The following ZNF704 variants were observed in gnomAD, a reference collection of about 807,000 sequenced individuals.
The protein encoded by ZNF704 is glucocorticoid induced gene 1.
ZNF704 carries 10 observed loss-of-function variants against 44.7 expected under a neutral mutation model. That is an observed-to-expected ratio of 0.22 (90% confidence interval 0.14 to 0.38). The LOEUF (loss-of-function observed/expected upper bound fraction) is 0.38, where lower values mean the gene tolerates loss of function less well. ZNF704 is among the 10% of genes least tolerant of loss of function. The probability of loss-of-function intolerance (pLI) is 1.00; values close to 1 mark genes in which losing one functional copy is unlikely to be tolerated. For synonymous variants in ZNF704, 211 were observed against 207.6 expected (o/e 1.02, Z -0.14); for missense variants, 390 against 545.5 (o/e 0.71, Z 2.84).
At chr8:80,664,491 G>A (rs926221605) in intron 6 of ZNF704, among the ~76,000 whole-genome samples, 3 of 151,366 alleles carry the variant, frequency 2.0e-5, no homozygotes, top group Non-Finnish European at 4.4e-5. Flanking sequence ...GGCTGGTCTC[G>A]AACTCCCGAC....
chr8:80,729,442 T>C (rs754917360), intron 2 of ZNF704, among the ~76,000 whole-genome samples: 1 of 152,166 alleles, frequency 6.6e-6, no homozygotes. Context: ...CTGAACCTAC[T>C]GCCTGGCGTG....
chr8:80,873,999 G>A (rs1310033572), intron 1 of ZNF704, among the ~76,000 whole-genome samples: 1 of 146,628 alleles, frequency 6.8e-6, no homozygotes, highest in Non-Finnish European at 1.5e-5. Context: ...GCGCCCCCCC[G>A]GCGGCTGCCC....
the ZNF704 span, among the ~76,000 whole-genome samples, chr8:80,882,868 G>C: frequency 6.6e-6 from 1 of 151,910 alleles, no homozygotes; most frequent in Non-Finnish European, 1.5e-5. Flanking sequence ...CATTTACTTA[G>C]TTATTGCTTA....
intron 7 of ZNF704, among the ~76,000 whole-genome samples, chr8:80,652,507 A>G (rs1055660979): frequency 4.6e-5 from 7 of 152,230 alleles, no homozygotes; most frequent in Non-Finnish European, 1.0e-4. Flanking sequence ...TCCCACAGAA[A>G]TACAAACTAC....
At chr8:80,642,904 A>G (rs1266386740) in intron 8 of ZNF704, 131 bp downstream of exon 8, 1 of 531,068 alleles carries the variant, frequency 1.9e-6, no homozygotes, top group East Asian at 3.6e-5. Flanking sequence ...ACCATGGGAA[A>G]AAAAGAAAGG....
At chr8:80,653,515 T>G (rs1209930589) in intron 7 of ZNF704, among the ~76,000 whole-genome samples, 1 of 151,926 alleles carries the variant, frequency 6.6e-6, no homozygotes, top group Non-Finnish European at 1.5e-5. Flanking sequence ...AGCATTCTTA[T>G]AACCAATTAT....
intron 2 of ZNF704, among the ~76,000 whole-genome samples, chr8:80,728,950 T>C (rs899159320): frequency 3.3e-5 from 5 of 151,828 alleles, no homozygotes; most frequent in African/African-American, 9.7e-5. Flanking sequence ...TCATTAAGAG[T>C]TGATTCATTC....
chr8:80,711,274 G>A (rs73273054), intron 2 of ZNF704, among the ~76,000 whole-genome samples: 10,543 of 152,222 alleles, frequency 0.069, 1,219 homozygotes, highest in African/African-American at 0.24. Flanking sequence ...AACAGTCCCA[G>A]TGGCAGTGAT....
rs201502257 is a variant in ZNF704, at chr8:80,663,766, AC to A, written c.927+1048del. Among the ~76,000 whole-genome samples, 49 of 152,162 alleles carry A rather than the reference AC, an allele frequency of 3.2e-4. No homozygotes were observed. In the East Asian group the frequency reaches 9.1e-3, roughly 28 times the overall value. On this transcript the variant is annotated intron_variant, in intron 6 of 8. Transcript: ENST00000327835. ...TTTTGAGACAGGGTCTTACTCTGTC[AC>A]CCAGGCTGGAGTGCAGTGCCATGAT...
At position 80,723,362 on chromosome 8, in the gene ZNF704, G is replaced by A. The variant is rs76619201; in HGVS notation, c.222-30255C>T. Among the ~76,000 whole-genome samples the A allele has an allele frequency of 6.2e-3, 942 of 152,118 alleles. 3 individuals carry two copies. The highest frequency in any genetic ancestry group is 0.02 in the Middle Eastern group (6 of 294). On this transcript the variant is annotated intron_variant, in intron 2 of 8. Coordinates refer to ENST00000327835, the MANE Select transcript of ZNF704 (RefSeq NM_001033723.3). ...AGTATAACTCATACCAGAAAAAAACGTTAAACCGTCAGGATTATATAGTCA... is the reference window on the plus strand; with the variant it reads ...AGTATAACTCATACCAGAAAAAAACATTAAACCGTCAGGATTATATAGTCA...
intron 2 of ZNF704, chr8:80,694,168 T>TA (rs1453404263): frequency 6.6e-6 from 1 of 152,160 alleles, no homozygotes; most frequent in East Asian, 1.9e-4. Flanking sequence ...TCCTGAGCTT[T>TA]AAAAAAATTT....
At chr8:80,713,003 C>G (rs1000301388) in intron 2 of ZNF704, among the ~76,000 whole-genome samples, 1 of 151,910 alleles carries the variant, frequency 6.6e-6, no homozygotes. Context: ...TCAAGGGATT[C>G]TCCTGCCTCA....
At chr8:80,705,034 C>T (rs143216924) in intron 2 of ZNF704, among the ~76,000 whole-genome samples, 1 of 152,262 alleles carries the variant, frequency 6.6e-6, no homozygotes, top group African/African-American at 2.4e-5. Context: ...TTCAGGTAGA[C>T]AGTGTCACAT....
intron 3 of ZNF704, among the ~76,000 whole-genome samples, chr8:80,689,670 T>A (rs1794066093): frequency 6.6e-6 from 1 of 152,234 alleles, no homozygotes; most frequent in Admixed American, 6.5e-5. Context: ...TATAATCATG[T>A]TAAGTATGAG....
intron 2 of ZNF704, among the ~76,000 whole-genome samples, chr8:80,799,729 A>C (rs1807867735): frequency 6.6e-6 from 1 of 152,226 alleles, no homozygotes; most frequent in Non-Finnish European, 1.5e-5. Flanking sequence ...AAAAACGCTG[A>C]AAACTCAAAA....
At chr8:80,702,442 G>A (rs1818824845) in intron 2 of ZNF704, among the ~76,000 whole-genome samples, 1 of 152,180 alleles carries the variant, frequency 6.6e-6, no homozygotes, top group Non-Finnish European at 1.5e-5. Flanking sequence ...CTGGAGAGGG[G>A]GTCTGATGGC....
chr8:80,765,254 C>T (rs1807209334), intron 2 of ZNF704, among the ~76,000 whole-genome samples: 2 of 152,158 alleles, frequency 1.3e-5, no homozygotes, highest in African/African-American at 4.8e-5. Flanking sequence ...TGTATTTGTT[C>T]TCTCCAGGCC....
At chr8:80,681,588 T>C (rs1296379049) in intron 4 of ZNF704, among the ~76,000 whole-genome samples, 2 of 152,178 alleles carry the variant, frequency 1.3e-5, no homozygotes, top group African/African-American at 2.4e-5. Flanking sequence ...CTAAATGGTA[T>C]ACTTAAAATG....
chr8:80,682,251 G>T (rs1350184782), intron 4 of ZNF704, among the ~76,000 whole-genome samples: 1 of 152,210 alleles, frequency 6.6e-6, no homozygotes, highest in Non-Finnish European at 1.5e-5. Flanking sequence ...GGCTCTGGAA[G>T]ATTAAAAATA....
Sources: gnomAD v4.1 joint callset for allele counts (sites outside exome capture counted in the v4.1 genomes callset) on GRCh38, gnomAD v4.1.1 for gene constraint, MANE v1.5 for transcripts, NCBI Gene and HGNC (gene_info 2026-07-23, HGNC 2026-07-21) for gene names.